The following MGAT4C variants were observed in gnomAD, a reference collection of about 807,000 sequenced individuals.
MGAT4C encodes alpha-1,3-mannosyl-glycoprotein 4-beta-N-acetylglucosaminyltransferase C.
In MGAT4C, 19 loss-of-function variants were observed where a neutral mutation model predicts 40.1. The ratio of observed to expected loss-of-function variants is 0.47; its 90% CI spans 0.33 to 0.70. The LOEUF is 0.70. Among genes scored for constraint, MGAT4C ranks in the 30% least tolerant of loss-of-function variants. MGAT4C has a pLI of 0.02. For missense variants in MGAT4C, 491 were observed against 563.2 expected (o/e 0.87, Z 1.30); for synonymous variants, 181 against 187.1 (o/e 0.97, Z 0.27).
At chr12:86,675,655 C>CT (rs1298943758) in intron 2 of MGAT4C, among the ~76,000 whole-genome samples, 2 of 152,110 alleles carry the variant, frequency 1.3e-5, no homozygotes, top group Admixed American at 6.6e-5. Flanking sequence ...TGCCACTGAT[C>CT]TTTTTTTAAA....
chr12:86,013,031 A>C (rs1039320166), intron 2 of MGAT4C, among the ~76,000 whole-genome samples: 7 of 152,016 alleles, frequency 4.6e-5, no homozygotes, highest in African/African-American at 1.7e-4. Context: ...GAAGACTGAA[A>C]GACTGAGGTG....
intron 4 of MGAT4C, among the ~76,000 whole-genome samples, chr12:86,298,283 C>T (rs1279502782): frequency 6.6e-6 from 1 of 151,818 alleles, no homozygotes; most frequent in African/African-American, 2.4e-5. Context: ...AACAAAAATA[C>T]AATAAAAATG....
intron 1 of MGAT4C, among the ~76,000 whole-genome samples, chr12:86,747,042 C>T (rs916529539): frequency 1.5e-4 from 22 of 151,518 alleles, no homozygotes; most frequent in African/African-American, 5.1e-4. Flanking sequence ...ATGAGGGTGG[C>T]ACTAAACTTG....
chr12:86,832,744 G>T (rs1481753647), intron 1 of MGAT4C, among the ~76,000 whole-genome samples: 2 of 151,704 alleles, frequency 1.3e-5, no homozygotes, highest in Non-Finnish European at 2.9e-5. Context: ...CCAAACCTTA[G>T]CTAACCACGT....
chr12:86,277,641 A>T (rs1953109202), intron 4 of MGAT4C, among the ~76,000 whole-genome samples: 1 of 152,114 alleles, frequency 6.6e-6, no homozygotes, highest in African/African-American at 2.4e-5. Flanking sequence ...AACACCATTT[A>T]TTTAAGAGAC....
chr12:86,731,195 C>A (rs2136120085), intron 1 of MGAT4C, among the ~76,000 whole-genome samples: 1 of 152,154 alleles, frequency 6.6e-6, no homozygotes, highest in South Asian at 2.1e-4. Flanking sequence ...GGGGTGGTAG[C>A]TGTTCTGTAT....
chr12:86,719,514 T>C (rs1182381702), intron 2 of MGAT4C, among the ~76,000 whole-genome samples: 1 of 152,222 alleles, frequency 6.6e-6, no homozygotes, highest in Non-Finnish European at 1.5e-5. Context: ...ATAGCAATTC[T>C]GAAATCCAGC....
At chr12:86,811,465 C>A (rs1246332991) in intron 1 of MGAT4C, among the ~76,000 whole-genome samples, 4 of 150,356 alleles carry the variant, frequency 2.7e-5, no homozygotes, top group Non-Finnish European at 5.9e-5. Flanking sequence ...CCTCAGCCTC[C>A]AGAGTAGCTG....
At chr12:86,725,331 C>T (rs556002105) in intron 2 of MGAT4C, among the ~76,000 whole-genome samples, 222 of 152,264 alleles carry the variant, frequency 1.5e-3, no homozygotes, top group Admixed American at 3.9e-3. Flanking sequence ...AAGAATATCA[C>T]ATCCTTAGCC....
At chr12:86,089,714 T>A (rs1287559577) in intron 1 of MGAT4C, among the ~76,000 whole-genome samples, 1 of 151,736 alleles carries the variant, frequency 6.6e-6, no homozygotes, top group Non-Finnish European at 1.5e-5. Context: ...AATAACCATT[T>A]TTTTTGCCTA....
intron 1 of MGAT4C, among the ~76,000 whole-genome samples, chr12:86,161,146 T>G (rs1469565077): frequency 6.6e-6 from 1 of 152,038 alleles, no homozygotes; most frequent in Non-Finnish European, 1.5e-5. Flanking sequence ...TTCACGGAAT[T>G]AGAAAAAATG....
intron 2 of MGAT4C, among the ~76,000 whole-genome samples, chr12:86,574,229 A>C (rs1370145801): frequency 6.6e-6 from 1 of 151,728 alleles, no homozygotes; most frequent in African/African-American, 2.4e-5. Flanking sequence ...CTCCTCAGAA[A>C]ACTTCTATCA....
chr12:86,434,832 A>T (rs1482769631), intron 3 of MGAT4C, among the ~76,000 whole-genome samples: 1 of 151,910 alleles, frequency 6.6e-6, no homozygotes, highest in African/African-American at 2.4e-5. Context: ...CCATGGTATC[A>T]GAATACCAAT....
At chr12:86,177,898 AT>A (rs756420786) in intron 1 of MGAT4C, among the ~76,000 whole-genome samples, 2 of 152,166 alleles carry the variant, frequency 1.3e-5, no homozygotes, top group Admixed American at 6.5e-5. Flanking sequence ...AGGGATAGGC[AT>A]TCAAATATAT....
intron 1 of MGAT4C, among the ~76,000 whole-genome samples, chr12:86,102,508 A>AT (rs1292361289): frequency 6.6e-6 from 1 of 152,084 alleles, no homozygotes; most frequent in East Asian, 1.9e-4. Context: ...AAATTAATGA[A>AT]TGGAATATGG....
chr12:86,507,589 C>T lies in MGAT4C; in HGVS notation c.-228-72324G>A, dbSNP rs143223371. On this transcript the variant is annotated intron_variant, in intron 2 of 7. Coordinates refer to the MGAT4C transcript ENST00000548651. The stretch of plus-strand genomic sequence containing the variant: ...GATTAGAGACACAGGAAGTAAAATG[C>T]ATTTAACCCCTCATGTGGAGCCAAG... Among the ~76,000 whole-genome samples the T allele has an allele frequency of 2.3e-3, 357 of 152,292 alleles. 4 individuals carry two copies. The highest frequency in any genetic ancestry group is 8.3e-3 in the African/African-American group (343 of 41,572).
intron 1 of MGAT4C, among the ~76,000 whole-genome samples, chr12:86,833,561 T>G (rs1952973325): frequency 6.6e-6 from 1 of 151,912 alleles, no homozygotes; most frequent in African/African-American, 2.4e-5. Flanking sequence ...TGTGTAAGTC[T>G]GTGTCCAAAT....
At chr12:85,987,429 G>T (rs1195311679) in intron 3 of MGAT4C, among the ~76,000 whole-genome samples, 2 of 152,088 alleles carry the variant, frequency 1.3e-5, no homozygotes, top group East Asian at 3.9e-4. Flanking sequence ...GAGCCACCGC[G>T]CCCGGCCAAT....
chr12:86,460,621 ATGTG>A (rs1957583325), intron 2 of MGAT4C, among the ~76,000 whole-genome samples: 1 of 152,004 alleles, frequency 6.6e-6, no homozygotes, highest in Admixed American at 6.6e-5. Context: ...GTCTGTATGC[ATGTG>A]TGTGTCTTTG....
Sources: gnomAD v4.1 joint callset for allele counts (sites outside exome capture counted in the v4.1 genomes callset) on GRCh38, gnomAD v4.1.1 for gene constraint, MANE v1.5 for transcripts, NCBI Gene and HGNC (gene_info 2026-07-23, HGNC 2026-07-21) for gene names.